Variants in ADGRB2 observed in about 807,000 individuals in gnomAD.
ADGRB2 encodes adhesion G protein-coupled receptor B2, also known as brain-specific angiogenesis inhibitor 2.
In ADGRB2, 47 loss-of-function variants were observed where a neutral mutation model predicts 178.7. That is an observed-to-expected ratio of 0.26 (90% CI 0.21 to 0.34). The LOEUF (loss-of-function observed/expected upper bound fraction) is 0.34, where lower values mean the gene tolerates loss of function less well. Among genes scored for constraint, ADGRB2 ranks in the 10% least tolerant of loss-of-function variants. The probability of loss-of-function intolerance (pLI) is 1.00; values close to 1 mark genes in which losing one functional copy is unlikely to be tolerated. For synonymous variants in ADGRB2, 870 were observed against 912.4 expected (o/e 0.95, Z 0.84); for missense variants, 1,584 against 2,180.8 (o/e 0.73, Z 5.45).
intron 1 of ADGRB2, among the ~76,000 whole-genome samples, chr1:31,760,381 C>G (rs572531414): frequency 6.6e-6 from 1 of 152,200 alleles, no homozygotes; most frequent in Non-Finnish European, 1.5e-5. Flanking sequence ...GAATCTCACT[C>G]TGCCCAAACA....
intron 1 of ADGRB2, among the ~76,000 whole-genome samples, chr1:31,762,645 G>A (rs932636655): frequency 1.5e-4 from 20 of 133,756 alleles, no homozygotes; most frequent in African/African-American, 5.4e-4. Flanking sequence ...CATATGGCCT[G>A]ACAACCAGGA....
intron 4 of ADGRB2, among the ~76,000 whole-genome samples, chr1:31,748,755 C>T (rs979112587): frequency 6.6e-6 from 1 of 152,274 alleles, no homozygotes; most frequent in Admixed American, 6.5e-5. Flanking sequence ...GCCTGGGACA[C>T]ACTTCCCCAC....
rs112063721 is a variant in ADGRB2 at position 31,755,638 on chromosome 1, C to G, written c.838+361G>C. Among the ~76,000 whole-genome samples the G allele has an allele frequency of 7.8e-3, 1,190 of 152,076 alleles. 14 individuals carry two copies. Among genetic ancestry groups the G allele is most frequent in the East Asian group, 0.036 (184 of 5,126 alleles). ...TTCCCAGCCTTGGGCCTTTGTGCAC[C>G]CTTCTTGCTCTGCCTAGAATGCCCT... is the stretch of plus-strand genomic sequence containing the variant. On this transcript the variant is annotated intron_variant, in intron 4 of 32. Transcript: ENST00000373658. The surrounding 1 kb of genome is among the most constrained non-coding windows in gnomAD (Gnocchi z 5.1).
Position 31,753,720 on chromosome 1 carries a change from C to T in ADGRB2, c.838+2279G>A, listed in dbSNP as rs986481203. On this transcript the variant is annotated intron_variant, in intron 4 of 32. Transcript: ENST00000373658. The surrounding 1 kb of genome is among the most constrained non-coding windows in gnomAD (Gnocchi z 4.1). ...CGGCAAAGGTGGTGCTGCCACAAGG[C>T]ACAGACGGTGCCACGGACCCTCAGA... 6.6e-6 allele frequency among the ~76,000 whole-genome samples: 1 copy of T among 152,244 alleles called. No homozygotes were observed. The highest frequency in any genetic ancestry group is 1.5e-5 in the Non-Finnish European group (1 of 68,036).
chr1:31,734,169 G>A (rs915354631), intron 25 of ADGRB2, among the ~76,000 whole-genome samples: 1 of 152,212 alleles, frequency 6.6e-6, no homozygotes, highest in Non-Finnish European at 1.5e-5. Flanking sequence ...GACTAAGAGA[G>A]GGTCTAATCA....
At chr1:31,743,102 C>A in intron 6 of ADGRB2, 100 bp from the exon 7 acceptor site, 4 of 1,272,914 alleles carry the variant, frequency 3.1e-6, no homozygotes, top group Non-Finnish European at 3.0e-6. Flanking sequence ...CGCAGCTCTG[C>A]GGCTGCTCCT....
At chr1:31,763,807 G>C (rs1189786924) in intron 1 of ADGRB2, 77 bp downstream of exon 1, 1 of 985,210 alleles carries the variant, frequency 1.0e-6, no homozygotes, top group Non-Finnish European at 1.2e-6. Context: ...CCCGAGTCCG[G>C]GCCGGTGCGG....
In ADGRB2 at chr1:31,764,061, AGCGCGGGGCGGGCGGGCGGGCG is replaced by A; in HGVS notation, c.-390_-369del. 1 of 171,052 alleles carries A rather than the reference AGCGCGGGGCGGGCGGGCGGGCG, an allele frequency of 5.8e-6. No individual in the cohort carries two copies. Among genetic ancestry groups the A allele is most frequent in the Non-Finnish European group, 9.3e-6 (1 of 107,112 alleles). The allele number at this position is 171,052 out of a possible 1,614,324, so 10.6% of individuals were successfully genotyped here. A position where few individuals can be genotyped will look rare whatever the true frequency, so the allele number is the denominator to read the frequency against. On this transcript the variant is annotated 5_prime_UTR_variant, in exon 1 of 33. Transcript: ENST00000373658. This position sits in a 1 kb window ranked among gnomAD's most constrained non-coding sequence, Gnocchi z 7.3. Reference sequence around the variant, plus strand: ...GGGTGCAGAAAAGGCGCCGCGGAGCAGCGCGGGGCGGGCGGGCGGGCGGCGCCGGGCCGGGCGCGGGCTCCTG... The same window carrying A: ...GGGTGCAGAAAAGGCGCCGCGGAGCAGCGCCGGGCCGGGCGCGGGCTCCTG...
chr1:31,730,313 T>G (rs779307445), intron 29 of ADGRB2, among the ~76,000 whole-genome samples: 2 of 152,184 alleles, frequency 1.3e-5, no homozygotes, highest in Non-Finnish European at 2.9e-5. Context: ...TCCCCAATTA[T>G]CTAGCACTTT....
At chr1:31,736,475 C>T in intron 21 of ADGRB2, 85 bp from the exon 22 acceptor site, 1 of 1,602,200 alleles carries the variant, frequency 6.2e-7, no homozygotes, top group Non-Finnish European at 8.5e-7. Context: ...CAGCTGACCC[C>T]TGTGCCCAGA....
chr1:31,751,506 G>T (rs1327663702), intron 4 of ADGRB2, among the ~76,000 whole-genome samples: 1 of 152,220 alleles, frequency 6.6e-6, no homozygotes, highest in Non-Finnish European at 1.5e-5. Flanking sequence ...AGCCTGTGCA[G>T]TTCCAGACTT....
At position 31,740,042 on chromosome 1, in the gene ADGRB2, C is replaced by T; in HGVS notation, c.2059-8G>A. On this transcript the variant is annotated splice_polypyrimidine_tract_variant and splice_region_variant and intron_variant, in intron 13 of 32. Transcript: ENST00000373658. The surrounding 1 kb of genome is among the most constrained non-coding windows in gnomAD (Gnocchi z 5.9). ...CACAGAGCCAGGGGACACCTGGGGA[C>T]AGAAAGTGTGTAAGGGTCCAAGGCA... is the stretch of plus-strand genomic sequence containing the variant. 17 of 1,614,192 alleles carry T rather than the reference C, an allele frequency of 1.1e-5. No homozygotes were observed. Among genetic ancestry groups the T allele is most frequent in the Non-Finnish European group, 1.4e-5 (16 of 1,180,010 alleles).
Position 31,741,962 on chromosome 1 carries a change from C to A in ADGRB2, c.1423G>T (p.Asp475Tyr). 3 of 1,589,516 alleles carry A rather than the reference C, an allele frequency of 1.9e-6. No individual in the cohort carries two copies. The highest frequency in any genetic ancestry group is 1.7e-4 in the Middle Eastern group (1 of 5,974). ...GCATTCCATGGCCCCCACTTGCTAT[C>A]AGTGGCTGTGGGAGAGGTGAGGCAT... ...ECSNLECPAT[D>Y]SKWGPWNAWS... The change falls in exon 9 of 33, where the codon GAT (aspartate) becomes TAT (tyrosine). Residue 475 changes from aspartate (D) to tyrosine (Y), a missense_variant. By Grantham distance (160) the Asp-to-Tyr change is radical. Transcript: ENST00000373658. This position sits in a 1 kb window ranked among gnomAD's most constrained non-coding sequence, Gnocchi z 6.5.
In ADGRB2 at chr1:31,730,969, G is replaced by A. The variant is rs367845048; in HGVS notation, c.4211C>T (p.Ser1404Leu). Residue 1404 changes from serine to leucine, a missense_variant, in exon 29 of 33, where the codon TCG becomes TTG. Transcript: ENST00000373658. ...GYPSFLSVDH[S>L]GLGLGPAYGS... ...ATAGGCAGGGCCCAGCCCCAGGCCC[G>A]AGTGGTCCACGGACAGGAAGCTGGG... 1.2e-5 allele frequency: 19 copies of A among 1,564,626 alleles called. No individual in the cohort carries two copies. Among genetic ancestry groups the A allele is most frequent in the Admixed American group, 1.8e-5 (1 of 54,784 alleles).
chr1:31,740,167 C>G lies in ADGRB2; in HGVS notation c.2001G>C (p.Gln667His), dbSNP rs1338069933. The change falls in exon 13 of 33, where the codon CAG becomes CAC. Residue 667 changes from glutamine to histidine, a missense_variant. Physicochemically the swap from Gln to His is conservative, Grantham distance 24. This residue lies in a region of ADGRB2 where 62 missense variants were observed against 140.3 expected (regional missense o/e 0.44). Transcript: ENST00000373658. This position sits in a 1 kb window ranked among gnomAD's most constrained non-coding sequence, Gnocchi z 5.9. Reference protein sequence around the residue: ...PSADDVQRFFQVVSFMVDAEN... With the variant: ...PSADDVQRFFHVVSFMVDAEN... Reference sequence around the variant, plus strand: ...CCGCATCCACCATGAAGCTCACCACCTGGAAGAAGCGCTGAGGAGAGAGCA... The same window carrying G: ...CCGCATCCACCATGAAGCTCACCACGTGGAAGAAGCGCTGAGGAGAGAGCA... 18 of 1,613,996 alleles carry G rather than the reference C, an allele frequency of 1.1e-5. No homozygotes were observed. In the East Asian group the frequency reaches 4.0e-4, roughly 36 times the overall value.
At chr1:31,757,710 GC>G (rs929984633) in intron 1 of ADGRB2, among the ~76,000 whole-genome samples, 199 bp from the exon 2 acceptor site, 3 of 152,130 alleles carry the variant, frequency 2.0e-5, no homozygotes, top group Non-Finnish European at 2.9e-5. Flanking sequence ...TTCAGGGCCT[GC>G]TACCCCACCC....
Position 31,733,017 on chromosome 1 carries a change from C to G in ADGRB2, c.3579G>C (p.Ala1193=). 6.4e-7 allele frequency: 1 copy of G among 1,569,240 alleles called. No individual in the cohort carries two copies. The highest frequency in any genetic ancestry group is 1.7e-4 in the Middle Eastern group (1 of 5,990). ...GCACAGCAGTGATGACAAAGCCCTG[C>G]GCGGAGTTGAAGACAGCAAAGAGGG... ...FQALFAVFNS[A]QGFVITAVHC... is the part of the protein sequence containing the mutation. The change falls in exon 26 of 33, where the codon GCG becomes GCC. Residue 1193 remains alanine, a synonymous_variant. Coordinates refer to ENST00000373658, the MANE Select transcript of ADGRB2 (RefSeq NM_001364857.2). This position sits in a 1 kb window ranked among gnomAD's most constrained non-coding sequence, Gnocchi z 4.3.
rs552290085 is a variant in ADGRB2, at chr1:31,736,015, C to T, written c.3201-122G>A. The T allele has an allele frequency of 8.6e-5, 94 of 1,098,006 alleles. 1 individual carries two copies. Among genetic ancestry groups the T allele is most frequent in the South Asian group, 4.7e-4 (30 of 64,126 alleles). The allele number at this position is 1,098,006 out of a possible 1,614,324, so 68.0% of individuals were successfully genotyped here. On this transcript the variant is annotated intron_variant, in intron 22 of 32. Coordinates refer to ENST00000373658, the MANE Select transcript of ADGRB2 (RefSeq NM_001364857.2). Reference sequence around the variant, plus strand: ...TCACCAGTGCAGTCTGAGCCCCAGACGGTGAGAGTGAGCCACTGGCTCCTG... The same window carrying T: ...TCACCAGTGCAGTCTGAGCCCCAGATGGTGAGAGTGAGCCACTGGCTCCTG...
At chr1:31,752,300 G>A (rs748570047) in intron 4 of ADGRB2, among the ~76,000 whole-genome samples, 4 of 152,150 alleles carry the variant, frequency 2.6e-5, no homozygotes, top group Non-Finnish European at 5.9e-5. Context: ...TCTGGGCCCC[G>A]CTCCCCACCC....
Sources: allele counts gnomAD v4.1 joint callset (sites outside exome capture counted in the v4.1 genomes callset), GRCh38; gene constraint gnomAD v4.1.1; regional missense constraint gnomAD v4.1.1; non-coding constraint Gnocchi (gnomAD v3.1); transcripts MANE v1.5; gene names NCBI Gene and HGNC (gene_info 2026-07-23, HGNC 2026-07-21).